The following CHRDL2 variants were observed in gnomAD, a reference collection of about 807,000 sequenced individuals.
CHRDL2 encodes the protein chordin-like protein 2.
Under a neutral mutation model 54.3 loss-of-function variants are expected in CHRDL2, and 41 were observed. That is an observed-to-expected ratio of 0.76 (90% CI 0.59 to 0.98). CHRDL2 has a LOEUF of 0.98. Ranked by LOEUF, CHRDL2 falls within the 50% of genes least tolerant of loss-of-function variation. The probability of loss-of-function intolerance (pLI) is 0.00; values close to 1 mark genes in which losing one functional copy is unlikely to be tolerated. For synonymous variants in CHRDL2, 220 were observed against 224.3 expected (o/e 0.98, Z 0.17); for missense variants, 518 against 562.4 (o/e 0.92, Z 0.80).
chr11:74,725,119 A>G (rs1052454348), intron 1 of CHRDL2, among the ~76,000 whole-genome samples: 1 of 152,000 alleles, frequency 6.6e-6, no homozygotes, highest in Non-Finnish European at 1.5e-5. Context: ...TCAGCCTCCG[A>G]GTAGCTGGGA....
At chr11:74,712,451 T>C (rs1475974428) in intron 3 of CHRDL2, among the ~76,000 whole-genome samples, 1 of 151,854 alleles carries the variant, frequency 6.6e-6, no homozygotes, top group Non-Finnish European at 1.5e-5. Flanking sequence ...CAAGGAGAGG[T>C]GAGGCCCCCC....
At chr11:74,726,294 T>C (rs951679009) in intron 1 of CHRDL2, among the ~76,000 whole-genome samples, 1 of 152,116 alleles carries the variant, frequency 6.6e-6, no homozygotes, top group African/African-American at 2.4e-5. Flanking sequence ...TTGTGGGAAA[T>C]TGAGTCCCAG....
rs377485555 is a variant in CHRDL2, at chr11:74,697,208, C to T, written c.1210G>A (p.Glu404Lys). ...ATTCCTCAGCCCAAGCTCCTACCTT[C>T]GTGGGGGCCAGCGAGCAGTCGGAAG... ...QHFRLLAGPH[E>K]GHWNVFLAQT... The change falls in exon 10 of 11, where the codon GAA becomes AAA. Residue 404 changes from glutamate to lysine, a missense_variant. By Grantham distance (56) the Glu-to-Lys change is moderately conservative. Coordinates refer to ENST00000376332, the MANE Select transcript of CHRDL2 (RefSeq NM_001278473.3). 58 of 1,613,094 alleles carry T rather than the reference C, an allele frequency of 3.6e-5. No individual in the cohort carries two copies. The highest frequency in any genetic ancestry group is 3.7e-5 in the Non-Finnish European group (44 of 1,179,446).
chr11:74,718,468 G>A (rs2034418804), intron 2 of CHRDL2, among the ~76,000 whole-genome samples: 1 of 152,218 alleles, frequency 6.6e-6, no homozygotes, highest in East Asian at 1.9e-4. Context: ...AGAAGGCTGG[G>A]ATGTGAGATG....
intron 5 of CHRDL2, among the ~76,000 whole-genome samples, chr11:74,707,637 G>C (rs905955916): frequency 1.3e-5 from 2 of 152,000 alleles, no homozygotes; most frequent in South Asian, 2.1e-4. Context: ...GCCACTTATG[G>C]TTCTCTCAGC....
intron 9 of CHRDL2, chr11:74,701,589 T>TA (rs1272863560): frequency 1.4e-6 from 1 of 717,440 alleles, no homozygotes; most frequent in African/African-American, 1.7e-5. Flanking sequence ...GTCCTCCACT[T>TA]ACTGGCTGTG....
chr11:74,701,552 C>T (rs368903009), intron 9 of CHRDL2: 68 of 713,008 alleles, frequency 9.5e-5, no homozygotes, highest in Admixed American at 2.4e-4. Flanking sequence ...CCGCATCTGA[C>T]GCCACAAGAC....
chr11:74,699,225 G>A (rs1479790035), intron 9 of CHRDL2: 1 of 152,344 alleles, frequency 6.6e-6, no homozygotes, highest in Non-Finnish European at 1.5e-5. Flanking sequence ...AAATTGGAGA[G>A]AAGGTGGCAG....
In CHRDL2 at chr11:74,704,477, A is replaced by C; in HGVS notation, c.751+9T>G. 6.3e-7 allele frequency: 1 copy of C among 1,586,080 alleles called. No homozygotes were observed. Among genetic ancestry groups the C allele is most frequent in the African/African-American group, 1.4e-5 (1 of 73,170 alleles). ...TGCCTCACAGATTGGAGGAGGGTCC[A>C]GTCCCCACCTTTCTTATGTTTCTCC... On this transcript the variant is annotated intron_variant, in intron 7 of 10. Transcript: ENST00000376332.
At chr11:74,713,991 T>C (rs1489817792) in intron 2 of CHRDL2, among the ~76,000 whole-genome samples, 2 of 152,288 alleles carry the variant, frequency 1.3e-5, no homozygotes, top group Middle Eastern at 3.4e-3. Flanking sequence ...ACAAAGCCTT[T>C]GGAGTTGGCA....
chr11:74,702,472 C>G (rs2033850149), intron 9 of CHRDL2, among the ~76,000 whole-genome samples: 1 of 152,136 alleles, frequency 6.6e-6, no homozygotes, highest in Admixed American at 6.5e-5. Context: ...CTGAGAAGAC[C>G]CCCGCTCCCA....
chr11:74,697,014 C>G (rs569750987), intron 10 of CHRDL2, among the ~76,000 whole-genome samples, 191 bp downstream of exon 10: 1 of 152,344 alleles, frequency 6.6e-6, no homozygotes, highest in East Asian at 1.9e-4. Context: ...GCCAGCTCTG[C>G]TTCACCTTCC....
At chr11:74,712,296 C>T (rs951612331) in intron 3 of CHRDL2, among the ~76,000 whole-genome samples, 4 of 151,932 alleles carry the variant, frequency 2.6e-5, no homozygotes, top group African/African-American at 7.3e-5. Context: ...CCTGAAGGGC[C>T]GATGGCATGG....
intron 4 of CHRDL2, among the ~76,000 whole-genome samples, chr11:74,709,011 G>A (rs940502807): frequency 2.6e-5 from 4 of 152,236 alleles, no homozygotes; most frequent in Non-Finnish European, 4.4e-5. Context: ...GTGAGGGAAT[G>A]GCTGTGAAAA....
intron 5 of CHRDL2, among the ~76,000 whole-genome samples, chr11:74,707,404 A>G (rs2135248469): frequency 6.6e-6 from 1 of 152,260 alleles, no homozygotes; most frequent in Admixed American, 6.5e-5. Context: ...GCTTTCCTTG[A>G]CTACCTCAGC....
intron 6 of CHRDL2, among the ~76,000 whole-genome samples, chr11:74,704,904 C>T (rs989576812): frequency 6.6e-6 from 1 of 152,178 alleles, no homozygotes; most frequent in Non-Finnish European, 1.5e-5. Flanking sequence ...CCTTCTTGGG[C>T]CTTGTCAGAG....
At chr11:74,701,748 T>C (rs1443900417) in intron 9 of CHRDL2, 1 of 550,604 alleles carries the variant, frequency 1.8e-6, no homozygotes, top group African/African-American at 1.9e-5. Context: ...GCTACACACA[T>C]TGGTTATTAT....
Position 74,719,269 on chromosome 11 carries a change from C to T in CHRDL2, c.83-437G>A, listed in dbSNP as rs564648828. On this transcript the variant is annotated intron_variant, in intron 1 of 10. Transcript: ENST00000376332. ...CTGACTCAGTCCCACGCTCCTCTGC[C>T]CTCACAATCATGCTTGTTTCCTTTT... The T allele has an allele frequency of 1.1e-4, 18 of 162,778 alleles. No homozygotes were observed. In the South Asian group the frequency reaches 3.1e-3, roughly 28 times the overall value. 10.1% of individuals were successfully genotyped at this position (162,778 alleles called of 1,614,324 possible).
At chr11:74,727,745 T>C (rs2034593836) in intron 1 of CHRDL2, among the ~76,000 whole-genome samples, 1 of 150,958 alleles carries the variant, frequency 6.6e-6, no homozygotes, top group Non-Finnish European at 1.5e-5. Flanking sequence ...GAAAGCAGGA[T>C]TGGATGGAGG....
Sources: gnomAD v4.1 joint callset for allele counts (sites outside exome capture counted in the v4.1 genomes callset) on GRCh38, gnomAD v4.1.1 for gene constraint, MANE v1.5 for transcripts, NCBI Gene and HGNC (gene_info 2026-07-23, HGNC 2026-07-21) for gene names.